FGF12: variants seen among roughly 807,000 people sequenced by gnomAD.
FGF12 encodes the protein fibroblast growth factor 12, also known as fibroblast growth factor 12B.
In FGF12, 14 loss-of-function variants were observed where a neutral mutation model predicts 23.6. That is an observed-to-expected ratio of 0.59 (90% CI 0.39 to 0.93). The LOEUF (loss-of-function observed/expected upper bound fraction) is 0.93, where lower values mean the gene tolerates loss of function less well. FGF12 is among the 40% of genes least tolerant of loss of function. FGF12 has a pLI of 0.00. For missense variants in FGF12, 175 were observed against 217.8 expected (o/e 0.80, Z 1.24); for synonymous variants, 62 against 77.3 (o/e 0.80, Z 1.04).
chr3:192,691,380 GA>G lies in FGF12; in HGVS notation c.13+35800del, dbSNP rs552926546. Among the ~76,000 whole-genome samples, 597 of 151,798 alleles carry G rather than the reference GA, an allele frequency of 3.9e-3. 5 individuals are homozygous for G. The highest frequency in any genetic ancestry group is 0.013 in the African/African-American group (544 of 41,418). Reference sequence around the variant, plus strand: ...ATGAAACTAGAAACCAATAAAAGGAGAAAAATCTAGAAAATTCATAAATATG... The same window carrying G: ...ATGAAACTAGAAACCAATAAAAGGAGAAAATCTAGAAAATTCATAAATATG... On this transcript the variant is annotated intron_variant, in intron 2 of 5. Transcript: ENST00000445105.
chr3:192,387,314 C>T (rs895269273), intron 2 of FGF12, among the ~76,000 whole-genome samples: 3 of 152,110 alleles, frequency 2.0e-5, no homozygotes, highest in Middle Eastern at 3.4e-3. Flanking sequence ...AGGGGCTATT[C>T]GGAAGCTCAA....
chr3:192,457,208 T>C (rs1251171445), intron 2 of FGF12, among the ~76,000 whole-genome samples: 1 of 152,224 alleles, frequency 6.6e-6, no homozygotes, highest in Non-Finnish European at 1.5e-5. Flanking sequence ...TATGTCTTTA[T>C]CAGCAGTGTG....
chr3:192,313,880 C>G (rs1301575451), intron 4 of FGF12, among the ~76,000 whole-genome samples: 1 of 152,174 alleles, frequency 6.6e-6, no homozygotes, highest in Non-Finnish European at 1.5e-5. Context: ...GACTGTAAGT[C>G]TCTATTACCC....
intron 4 of FGF12, among the ~76,000 whole-genome samples, chr3:192,243,815 A>C (rs1001957208): frequency 1.3e-5 from 2 of 152,116 alleles, no homozygotes; most frequent in Admixed American, 6.6e-5. Context: ...AAAAGGTAAA[A>C]AGTGGGAAGC....
intron 4 of FGF12, among the ~76,000 whole-genome samples, chr3:192,334,882 A>G (rs1717316090): frequency 6.6e-6 from 1 of 152,166 alleles, no homozygotes; most frequent in African/African-American, 2.4e-5. Context: ...TTATTCTGAG[A>G]ATCTGACATA....
intron 2 of FGF12, among the ~76,000 whole-genome samples, chr3:192,523,658 C>T (rs1724874907): frequency 6.6e-6 from 1 of 152,168 alleles, no homozygotes; most frequent in African/African-American, 2.4e-5. Context: ...CTATTAAGTC[C>T]ACCTGTTAAA....
At chr3:192,537,356 T>C (rs377264210) in intron 2 of FGF12, among the ~76,000 whole-genome samples, 24 of 152,310 alleles carry the variant, frequency 1.6e-4, no homozygotes, top group South Asian at 6.2e-4. Context: ...GCCCTATTTT[T>C]AGTTTTTTGA....
At chr3:192,504,275 C>T (rs1724228779) in intron 2 of FGF12, among the ~76,000 whole-genome samples, 1 of 152,006 alleles carries the variant, frequency 6.6e-6, no homozygotes, top group Admixed American at 6.6e-5. Flanking sequence ...TAACCTGTAC[C>T]CCAAATCCCT....
intron 2 of FGF12, among the ~76,000 whole-genome samples, chr3:192,621,421 G>A (rs1398293190): frequency 6.6e-6 from 1 of 152,114 alleles, no homozygotes; most frequent in East Asian, 1.9e-4. Context: ...CATGGGCTTT[G>A]AAGCCCGACA....
chr3:192,392,905 T>C (rs985727929), intron 2 of FGF12, among the ~76,000 whole-genome samples: 2 of 152,202 alleles, frequency 1.3e-5, no homozygotes, highest in African/African-American at 4.8e-5. Context: ...TTCTACAATA[T>C]GAAGACTCTG....
At chr3:192,541,798 T>A (rs533568473) in intron 2 of FGF12, among the ~76,000 whole-genome samples, 2 of 152,286 alleles carry the variant, frequency 1.3e-5, no homozygotes, top group East Asian at 3.9e-4. Context: ...CTGGATCTAC[T>A]ATTTTAGGAT....
intron 2 of FGF12, among the ~76,000 whole-genome samples, chr3:192,421,956 T>C (rs1721543248): frequency 6.6e-6 from 1 of 152,090 alleles, no homozygotes; most frequent in South Asian, 2.1e-4. Flanking sequence ...TATGAAGATG[T>C]CTATTAACTG....
At chr3:192,628,636 T>C (rs1715271011) in intron 2 of FGF12, among the ~76,000 whole-genome samples, 1 of 150,356 alleles carries the variant, frequency 6.7e-6, no homozygotes, top group Admixed American at 6.7e-5. Context: ...TGTGATTTCA[T>C]TATAGATTTA....
intron 2 of FGF12, among the ~76,000 whole-genome samples, chr3:192,451,578 T>C (rs980906840): frequency 1.3e-5 from 2 of 152,214 alleles, no homozygotes; most frequent in African/African-American, 4.8e-5. Context: ...GGACTAAAGA[T>C]AAGTCATGTT....
intron 4 of FGF12, among the ~76,000 whole-genome samples, chr3:192,227,598 A>T (rs911872627): frequency 3.3e-5 from 5 of 150,456 alleles, no homozygotes; most frequent in South Asian, 4.2e-4. Context: ...AAAAAAAAAA[A>T]GAAAAAAGAA....
chr3:192,178,654 A>G (rs1004441087), intron 4 of FGF12, among the ~76,000 whole-genome samples: 1 of 152,084 alleles, frequency 6.6e-6, no homozygotes, highest in Admixed American at 6.5e-5. Flanking sequence ...GCCTGCCACC[A>G]TGCCTTAATT....
intron 4 of FGF12, among the ~76,000 whole-genome samples, chr3:192,320,575 G>A (rs1309897707): frequency 2.0e-5 from 3 of 151,966 alleles, no homozygotes; most frequent in Non-Finnish European, 4.4e-5. Flanking sequence ...ACAAGTCTTG[G>A]AAAATTCAAA....
intron 2 of FGF12, among the ~76,000 whole-genome samples, chr3:192,395,555 G>A (rs1038609960): frequency 1.2e-4 from 19 of 152,252 alleles, no homozygotes; most frequent in Non-Finnish European, 1.8e-4. Flanking sequence ...AATTAATTTC[G>A]TTTTGATGAA....
At position 192,727,277 on chromosome 3, in the gene FGF12, C is replaced by T; in HGVS notation, c.-84G>A. ...GCTTCAGATTCCCAAATCTGGGAAGCCAATCTGATGATTTCGCCCGTACTT... is the reference window on the plus strand; with the variant it reads ...GCTTCAGATTCCCAAATCTGGGAAGTCAATCTGATGATTTCGCCCGTACTT... On this transcript the variant is annotated 5_prime_UTR_variant, in exon 2 of 6. Transcript: ENST00000445105. 1.3e-6 allele frequency: 2 copies of T among 1,553,510 alleles called. No individual in the cohort carries two copies. The highest frequency in any genetic ancestry group is 1.2e-5 in the South Asian group (1 of 84,096).
Sources: allele counts gnomAD v4.1 joint callset (sites outside exome capture counted in the v4.1 genomes callset), GRCh38; gene constraint gnomAD v4.1.1; transcripts MANE v1.5; gene names NCBI Gene and HGNC (gene_info 2026-07-23, HGNC 2026-07-21).